Variants in SLCO1B3 observed in about 807,000 individuals in gnomAD.
SLCO1B3 encodes the protein solute carrier organic anion transporter family member 1B3.
In SLCO1B3, 72 loss-of-function variants were observed where a neutral mutation model predicts 71.8. That is an observed-to-expected ratio of 1.00 (90% CI 0.83 to 1.22). SLCO1B3 has a LOEUF of 1.22. SLCO1B3 is among the 50% of genes most tolerant of loss of function. The pLI is 0.00. For missense variants in SLCO1B3, 911 were observed against 819.7 expected, an observed-to-expected ratio of 1.11 and a Z score of -1.36; for synonymous variants, 298 against 278.4, an observed-to-expected ratio of 1.07 and a Z score of -0.70.
At chr12:20,907,577 C>G (rs972461589) in intron 15 of SLCO1B3, among the ~76,000 whole-genome samples, 1 of 149,118 alleles carries the variant, frequency 6.7e-6, no homozygotes, top group African/African-American at 2.5e-5. Flanking sequence ...AGCGAAATCT[C>G]GGCTCACTGC....
chr12:20,848,204 A>G lies in SLCO1B3; in HGVS notation c.85-6824A>G, dbSNP rs1430285727. On this transcript the variant is annotated intron_variant, in intron 3 of 15. Coordinates refer to ENST00000381545, the MANE Select transcript of SLCO1B3 (RefSeq NM_019844.4). ...CTGAACAGATACCTTACTGATGGGC[A>G]TATACAGATGGTAAACAACTATATG... Among the ~76,000 whole-genome samples the G allele has an allele frequency of 2.0e-5, 3 of 152,224 alleles. No individual in the cohort carries two copies. In the East Asian group the frequency reaches 5.8e-4, roughly 29 times the overall value.
At position 20,852,207 on chromosome 12, in the gene SLCO1B3, G is replaced by C. The variant is rs548423469; in HGVS notation, c.85-2821G>C. Reference sequence around the variant, plus strand: ...ATACAAATGCTGGCTAGGAATGGTGGTTCATACCTGTATCCCCAGGGCTTT... The same window carrying C: ...ATACAAATGCTGGCTAGGAATGGTGCTTCATACCTGTATCCCCAGGGCTTT... On this transcript the variant is annotated intron_variant, in intron 3 of 15. Transcript: ENST00000381545. Among the ~76,000 whole-genome samples, 4 of 152,224 alleles carry C rather than the reference G, an allele frequency of 2.6e-5. No homozygotes were observed. The South Asian group carries it at 8.3e-4, about 32-fold the overall frequency.
At chr12:20,895,918 A>T (rs1167213525) in intron 13 of SLCO1B3, among the ~76,000 whole-genome samples, 1 of 152,140 alleles carries the variant, frequency 6.6e-6, no homozygotes, top group African/African-American at 2.4e-5. Flanking sequence ...AACCTCAATT[A>T]TTGACTTTTG....
intron 13 of SLCO1B3, among the ~76,000 whole-genome samples, 193 bp from the exon 14 acceptor site, chr12:20,898,239 TAAAG>T (rs949658377): frequency 9.9e-5 from 15 of 152,124 alleles, no homozygotes; most frequent in African/African-American, 2.9e-4. Context: ...ATTTAATAAA[TAAAG>T]AAATTATTAT....
At chr12:20,893,487 A>ACTCAGAT (rs1382017898) in intron 13 of SLCO1B3, among the ~76,000 whole-genome samples, 1 of 152,170 alleles carries the variant, frequency 6.6e-6, no homozygotes, top group African/African-American at 2.4e-5. Context: ...CAGAAGAAAG[A>ACTCAGAT]CTCAGATCTG....
chr12:20,913,910 C>T (rs560405271), intron 15 of SLCO1B3, among the ~76,000 whole-genome samples: 1 of 152,088 alleles, frequency 6.6e-6, no homozygotes, highest in Non-Finnish European at 1.5e-5. Context: ...AACTAACATG[C>T]CTAGCTAATT....
At chr12:20,840,823 C>T (rs930942289) in intron 3 of SLCO1B3, among the ~76,000 whole-genome samples, 4 of 152,088 alleles carry the variant, frequency 2.6e-5, no homozygotes, top group African/African-American at 9.7e-5. Flanking sequence ...TTATGAGGCT[C>T]CAATTAATTA....
intron 3 of SLCO1B3, among the ~76,000 whole-genome samples, chr12:20,828,573 A>G (rs1285332847): frequency 6.6e-6 from 1 of 152,096 alleles, no homozygotes; most frequent in Non-Finnish European, 1.5e-5. Context: ...CAGCCAACTG[A>G]GAAGAAAAAA....
Position 20,877,954 on chromosome 12 carries a change from C to A in SLCO1B3, c.1135+18C>A. ...TTTGTTGGGTAAGACATATTTTTTA[C>A]CTGTTTGCTTGATAAATGAAACACT... On this transcript the variant is annotated intron_variant, in intron 10 of 15. Transcript: ENST00000381545. The A allele has an allele frequency of 6.4e-7, 1 of 1,550,940 alleles. No homozygotes were observed. Among genetic ancestry groups the A allele is most frequent in the Non-Finnish European group, 8.7e-7 (1 of 1,144,228 alleles).
intron 8 of SLCO1B3, among the ~76,000 whole-genome samples, chr12:20,867,601 A>C (rs561287145): frequency 6.6e-6 from 1 of 152,340 alleles, no homozygotes; most frequent in African/African-American, 2.4e-5. Flanking sequence ...CAGCGACAGA[A>C]ACAAATTGAC....
chr12:20,915,944 A>T, intron 15 of SLCO1B3, 60 bp from the exon 16 acceptor site: 1 of 1,377,244 alleles, frequency 7.3e-7, no homozygotes, highest in Non-Finnish European at 9.9e-7. Flanking sequence ...GGGAGAAAAA[A>T]ATGTAAGATA....
At chr12:20,831,080 C>T (rs67835384) in intron 3 of SLCO1B3, among the ~76,000 whole-genome samples, 11,810 of 152,042 alleles carry the variant, frequency 0.078, 936 homozygotes, top group African/African-American at 0.2. Flanking sequence ...GAAGCCAGGC[C>T]GGGCGCGGTG....
chr12:20,899,238 G>T (rs932129574), intron 14 of SLCO1B3, among the ~76,000 whole-genome samples: 1 of 152,164 alleles, frequency 6.6e-6, no homozygotes, highest in Non-Finnish European at 1.5e-5. Flanking sequence ...ACAGATACTT[G>T]TTGTTAAATA....
intron 15 of SLCO1B3, among the ~76,000 whole-genome samples, chr12:20,912,198 C>T (rs1157147551): frequency 6.6e-6 from 1 of 151,820 alleles, no homozygotes. Flanking sequence ...TGAGACTTTC[C>T]AATGATCTTT....
intron 3 of SLCO1B3, among the ~76,000 whole-genome samples, chr12:20,839,546 G>A (rs1163572236): frequency 3.3e-5 from 5 of 152,084 alleles, no homozygotes; most frequent in African/African-American, 1.2e-4. Context: ...ATATAGGTAA[G>A]GATAGGTATT....
chr12:20,903,845 T>A (rs192303456), intron 15 of SLCO1B3, among the ~76,000 whole-genome samples: 111 of 152,280 alleles, frequency 7.3e-4, no homozygotes, highest in Non-Finnish European at 1.3e-3. Flanking sequence ...AGTCCCCGTG[T>A]CTTAACTCAT....
chr12:20,870,740 G>A (rs1442835148), intron 8 of SLCO1B3, among the ~76,000 whole-genome samples: 1 of 152,094 alleles, frequency 6.6e-6, no homozygotes, highest in Non-Finnish European at 1.5e-5. Context: ...ACATATATTT[G>A]TAATCAGGAA....
At position 20,872,222 on chromosome 12, in the gene SLCO1B3, C is replaced by G. The variant is rs571570990; in HGVS notation, c.728-3013C>G. On this transcript the variant is annotated intron_variant, in intron 8 of 15. Coordinates refer to ENST00000381545, the MANE Select transcript of SLCO1B3 (RefSeq NM_019844.4). ...CCACCACCCATGTTCAATTAAAGCT[C>G]TAGGGCTCTTCAGTCAGTTTATTAT... Among the ~76,000 whole-genome samples, 37 of 152,010 alleles carry G rather than the reference C, an allele frequency of 2.4e-4. No individual in the cohort carries two copies. In the East Asian group the frequency reaches 7.1e-3, roughly 29 times the overall value.
chr12:20,866,734 A>AG (rs2121266863), intron 8 of SLCO1B3, among the ~76,000 whole-genome samples: 2 of 151,606 alleles, frequency 1.3e-5, no homozygotes, highest in African/African-American at 4.8e-5. Flanking sequence ...TATTCTGGAA[A>AG]AAAAATACCA....
Sources: gnomAD v4.1 joint callset for allele counts (sites outside exome capture counted in the v4.1 genomes callset) on GRCh38, gnomAD v4.1.1 for gene constraint, MANE v1.5 for transcripts, NCBI Gene and HGNC (gene_info 2026-07-23, HGNC 2026-07-21) for gene names.